Variants in CENPW observed in about 807,000 individuals in gnomAD.
The protein encoded by CENPW is centromere protein W, also known as cancer-up-regulated gene 2 protein.
A neutral mutation model predicts 11.1 loss-of-function variants in CENPW; 3 were observed. That is an observed-to-expected ratio of 0.27 (90% CI 0.12 to 0.70). The LOEUF is 0.70. Ranked by LOEUF, CENPW falls within the 30% of genes least tolerant of loss-of-function variation. CENPW has a pLI of 0.77. For missense variants in CENPW, 100 were observed against 105.6 expected (o/e 0.95, Z 0.23); for synonymous variants, 38 against 42.0 (o/e 0.91, Z 0.37).
the CENPW span, among the ~76,000 whole-genome samples, chr6:126,395,300 T>A: frequency 6.6e-6 from 1 of 152,160 alleles, no homozygotes; most frequent in Non-Finnish European, 1.5e-5. Flanking sequence ...TTCTTCTGCT[T>A]TGTGAATTCT....
chr6:126,467,632 G>GAATA, the CENPW span, among the ~76,000 whole-genome samples: 16 of 151,800 alleles, frequency 1.1e-4, no homozygotes, highest in African/African-American at 2.4e-4. Context: ...ATAAATGATT[G>GAATA]AATAAATAAA....
At chr6:126,474,946 T>C in the CENPW span, among the ~76,000 whole-genome samples, 1 of 152,306 alleles carries the variant, frequency 6.6e-6, no homozygotes, top group Middle Eastern at 3.4e-3. Context: ...AAAAGAAAGG[T>C]TGTATTACAC....
the CENPW span, among the ~76,000 whole-genome samples, chr6:126,450,879 T>A: frequency 6.6e-6 from 1 of 150,848 alleles, no homozygotes; most frequent in Non-Finnish European, 1.5e-5. Flanking sequence ...ACCTAGAAAG[T>A]TTTAATGGTG....
Position 126,348,622 on chromosome 6 carries a change from AT to A in CENPW, c.*138del. The A allele has an allele frequency of 5.4e-5, 31 of 577,316 alleles. No homozygotes were observed. Among genetic ancestry groups the A allele is most frequent in the South Asian group, 9.4e-5 (4 of 42,530 alleles). The allele number at this position is 577,316 out of a possible 1,614,324, so 35.8% of individuals were successfully genotyped here. A position where few individuals can be genotyped will look rare whatever the true frequency, so the allele number is the denominator to read the frequency against. On this transcript the variant is annotated 3_prime_UTR_variant, in exon 3 of 3. Transcript: ENST00000368328. ...GGCTATAAGTGATGTGTGTGTTTGT[AT>A]TTTTTTTCTGGCATGAAATATCTCA...
chr6:126,357,871 T>G, the CENPW span, among the ~76,000 whole-genome samples: 1 of 152,138 alleles, frequency 6.6e-6, no homozygotes, highest in African/African-American at 2.4e-5. Flanking sequence ...CCTCCCAAAG[T>G]GCTGGAATTA....
Position 126,346,248 on chromosome 6 carries a change from A to G in CENPW, c.170A>G (p.Glu57Gly), listed in dbSNP as rs1183051244. The change falls in exon 2 of 3, where the codon GAG (glutamate) becomes GGG (glycine). Residue 57 changes from glutamate (E) to glycine (G), a missense_variant. Physicochemically the swap from Glu to Gly is moderately conservative, Grantham distance 98. Transcript: ENST00000368328. ...CTGTTTGTTCATCGATTAGCAGAAG[A>G]GTCCAGGACAAACGCTTGTGCGAGT... ...CLLFVHRLAEESRTNACASKC... is the reference protein window; with the variant it reads ...CLLFVHRLAEGSRTNACASKC... 1 of 1,605,984 alleles carries G rather than the reference A, an allele frequency of 6.2e-7. No individual in the cohort carries two copies. The highest frequency in any genetic ancestry group is 2.2e-5 in the East Asian group (1 of 44,756).
the CENPW span, among the ~76,000 whole-genome samples, chr6:126,377,132 G>A: frequency 9.9e-4 from 150 of 152,144 alleles, 2 homozygotes; most frequent in South Asian, 0.012. Context: ...GTTGGGGAGA[G>A]CTAGAGAGTC....
At chr6:126,410,027 T>C in the CENPW span, among the ~76,000 whole-genome samples, 6 of 151,962 alleles carry the variant, frequency 3.9e-5, no homozygotes, top group African/African-American at 1.4e-4. Flanking sequence ...ATGGTGGTTT[T>C]TTTTATGGTG....
the CENPW span, among the ~76,000 whole-genome samples, chr6:126,447,457 T>G: frequency 6.6e-6 from 1 of 151,240 alleles, no homozygotes; most frequent in African/African-American, 2.4e-5. Flanking sequence ...AGAAGACTGA[T>G]TAAATAGAGA....
the CENPW span, among the ~76,000 whole-genome samples, chr6:126,393,657 C>T: frequency 6.0e-5 from 9 of 150,634 alleles, no homozygotes; most frequent in African/African-American, 1.5e-4. Flanking sequence ...ATATTATTTC[C>T]GTTTTTTGGA....
chr6:126,432,056 C>T, the CENPW span, among the ~76,000 whole-genome samples: 6 of 126,036 alleles, frequency 4.8e-5, no homozygotes, highest in East Asian at 2.3e-4. Context: ...CAGACTGAGA[C>T]TCCATCTCAC....
the CENPW span, among the ~76,000 whole-genome samples, chr6:126,437,938 G>A: frequency 0.014 from 2,080 of 151,714 alleles, 25 homozygotes; most frequent in African/African-American, 0.039. Context: ...TATAGACTCC[G>A]TAAATAAAAT....
At chr6:126,406,680 C>T in the CENPW span, among the ~76,000 whole-genome samples, 4 of 151,846 alleles carry the variant, frequency 2.6e-5, no homozygotes, top group East Asian at 5.8e-4. Flanking sequence ...GGTGAAACCC[C>T]GTCTCTACTA....
chr6:126,416,370 C>A, the CENPW span, among the ~76,000 whole-genome samples: 1 of 152,234 alleles, frequency 6.6e-6, no homozygotes, highest in East Asian at 1.9e-4. Flanking sequence ...AATTTGCAGC[C>A]TGACAATGTG....
At chr6:126,424,589 G>C in the CENPW span, among the ~76,000 whole-genome samples, 1 of 152,064 alleles carries the variant, frequency 6.6e-6, no homozygotes, top group Non-Finnish European at 1.5e-5. Flanking sequence ...GCTTGAGCTG[G>C]AGGATAGACC....
the CENPW span, among the ~76,000 whole-genome samples, chr6:126,469,459 C>A: frequency 6.6e-6 from 1 of 152,306 alleles, no homozygotes; most frequent in South Asian, 2.1e-4. Context: ...CAAGTAGCAT[C>A]TTTATAGCAG....
intron 1 of CENPW, among the ~76,000 whole-genome samples, chr6:126,343,422 T>C (rs1472456735): frequency 6.6e-6 from 1 of 152,170 alleles, no homozygotes; most frequent in Non-Finnish European, 1.5e-5. Flanking sequence ...ACAGAACTAA[T>C]AGGATAGATG....
At chr6:126,342,113 A>G (rs941812283) in intron 1 of CENPW, among the ~76,000 whole-genome samples, 2 of 152,226 alleles carry the variant, frequency 1.3e-5, no homozygotes, top group Admixed American at 6.5e-5. Context: ...TTGACACTTC[A>G]TATCTTACCC....
the CENPW span, among the ~76,000 whole-genome samples, chr6:126,363,386 A>G: frequency 6.6e-6 from 1 of 152,226 alleles, no homozygotes; most frequent in African/African-American, 2.4e-5. Context: ...CTTTTGAAAA[A>G]TTGGACAATA....
Sources: allele counts gnomAD v4.1 joint callset (sites outside exome capture counted in the v4.1 genomes callset), GRCh38; gene constraint gnomAD v4.1.1; transcripts MANE v1.5; gene names NCBI Gene and HGNC (gene_info 2026-07-23, HGNC 2026-07-21).